The following TBC1D32 variants were observed in gnomAD, a reference collection of about 807,000 sequenced individuals.
The protein encoded by TBC1D32 is protein broad-minded.
In TBC1D32, 151 loss-of-function variants were observed where a neutral mutation model predicts 170.3. That is an observed-to-expected ratio of 0.89 (90% CI 0.78 to 1.01). TBC1D32 has a LOEUF of 1.01. Among genes scored for constraint, TBC1D32 ranks in the 50% least tolerant of loss-of-function variants. The probability of loss-of-function intolerance (pLI) is 0.00; values close to 1 mark genes in which losing one functional copy is unlikely to be tolerated. For synonymous variants in TBC1D32, 498 were observed against 488.0 expected (o/e 1.02, Z -0.27); for missense variants, 1,464 against 1,457.1 (o/e 1.00, Z -0.08).
chr6:121,083,411 AT>A (rs1271651304), intron 31 of TBC1D32, among the ~76,000 whole-genome samples: 1 of 152,024 alleles, frequency 6.6e-6, no homozygotes, highest in African/African-American at 2.4e-5. Context: ...GTTTTTAATA[AT>A]TTGCTGCCTT....
intron 15 of TBC1D32, among the ~76,000 whole-genome samples, chr6:121,270,663 G>T (rs1209322059): frequency 2.0e-5 from 3 of 152,112 alleles, no homozygotes; most frequent in Non-Finnish European, 2.9e-5. Flanking sequence ...CGGATTCACA[G>T]CCAAAATCTA....
At chr6:121,095,666 C>T (rs1486529545) in intron 30 of TBC1D32, among the ~76,000 whole-genome samples, 1 of 152,104 alleles carries the variant, frequency 6.6e-6, no homozygotes, top group Non-Finnish European at 1.5e-5. Context: ...TTGTCGAAGG[C>T]TTTTACTGCA....
chr6:121,235,547 G>A (rs1302871073), intron 20 of TBC1D32, among the ~76,000 whole-genome samples: 1 of 152,140 alleles, frequency 6.6e-6, no homozygotes, highest in East Asian at 1.9e-4. Flanking sequence ...GCAGTCACCA[G>A]CCTCACCATG....
chr6:121,306,837 T>A (rs886916866), intron 5 of TBC1D32, among the ~76,000 whole-genome samples: 6 of 152,228 alleles, frequency 3.9e-5, no homozygotes, highest in Non-Finnish European at 8.8e-5. Flanking sequence ...AAACTTTCTA[T>A]ATTTGCTTTA....
At chr6:121,276,408 C>T (rs988037753) in intron 15 of TBC1D32, among the ~76,000 whole-genome samples, 16 of 151,360 alleles carry the variant, frequency 1.1e-4, no homozygotes, top group Non-Finnish European at 2.2e-4. Flanking sequence ...TTAATAGCAA[C>T]CATTAAAAAG....
At chr6:121,193,502 T>G (rs2128289965) in intron 22 of TBC1D32, among the ~76,000 whole-genome samples, 1 of 152,312 alleles carries the variant, frequency 6.6e-6, no homozygotes, top group South Asian at 2.1e-4. Context: ...TCTCTGTATG[T>G]CAGGTCTAAC....
In TBC1D32 at chr6:121,300,309, T is replaced by A. The variant is rs142914483; in HGVS notation, c.1081-804A>T. Among the ~76,000 whole-genome samples the A allele has an allele frequency of 5.0e-3, 761 of 151,220 alleles. 8 individuals carry two copies. Among genetic ancestry groups the A allele is most frequent in the South Asian group, 0.038 (182 of 4,772 alleles). ...TAAAAATATAAGAATTAGCCAGGAG[T>A]GGTGGCATGCATCTGTAGTCCCAGC... On this transcript the variant is annotated intron_variant, in intron 9 of 31. Transcript: ENST00000398212.
chr6:121,308,079 G>A lies in TBC1D32; in HGVS notation c.587C>T (p.Thr196Ile). 1 of 1,613,420 alleles carries A rather than the reference G, an allele frequency of 6.2e-7. No individual in the cohort carries two copies. The highest frequency in any genetic ancestry group is 8.5e-7 in the Non-Finnish European group (1 of 1,179,804). ...ATCAGATGGAGGAGCTGAACATAAT[G>A]TTTGCAAGGCTTCATATCTCACCTA... ...PKEVRYEALQ[T>I]LCSAPPSDVL... is the part of the protein sequence containing the mutation. Residue 196 changes from threonine (T) to isoleucine (I), a missense_variant, in exon 5 of 32, where the codon ACA (threonine) becomes ATA (isoleucine). Thr to Ile is a moderately conservative substitution (Grantham distance 89). This residue lies in a region of TBC1D32 where 1,363 missense variants were observed against 1,338.1 expected (regional missense o/e 1.02). Coordinates refer to ENST00000398212, the MANE Select transcript of TBC1D32 (RefSeq NM_152730.6).
intron 21 of TBC1D32, among the ~76,000 whole-genome samples, chr6:121,221,133 G>A (rs1794471625): frequency 1.3e-5 from 2 of 152,092 alleles, no homozygotes; most frequent in African/African-American, 4.8e-5. Flanking sequence ...AAAAATCCTG[G>A]AGCACTGGAA....
chr6:121,198,260 A>AAATATATATTAT (rs1791079202), intron 22 of TBC1D32, among the ~76,000 whole-genome samples: 1 of 139,706 alleles, frequency 7.2e-6, no homozygotes, highest in African/African-American at 2.7e-5. Context: ...ATATATATAT[A>AAATATATATTAT]ATATATATAT....
At chr6:121,325,379 AGAT>A (rs946077156) in intron 1 of TBC1D32, among the ~76,000 whole-genome samples, 38 of 4,632 alleles carry the variant, frequency 8.2e-3, no homozygotes, top group Admixed American at 9.4e-3. Flanking sequence ...TCAAACTATA[AGAT>A]ACAAGGCTAA....
chr6:121,152,584 C>T (rs1784357879), intron 24 of TBC1D32, among the ~76,000 whole-genome samples: 1 of 152,160 alleles, frequency 6.6e-6, no homozygotes, highest in South Asian at 2.1e-4. Context: ...CGGTAATATC[C>T]TGAAGAGTGT....
At position 121,291,141 on chromosome 6, in the gene TBC1D32, A is replaced by C. The variant is rs143139102; in HGVS notation, c.1372+912T>G. On this transcript the variant is annotated intron_variant, in intron 12 of 31. Coordinates refer to ENST00000398212, the MANE Select transcript of TBC1D32 (RefSeq NM_152730.6). ...TTGTGCACATGTACCCTAAAACTTAAAGTATAATAAAAAAAAAAAGAAAGA... is the reference window on the plus strand; with the variant it reads ...TTGTGCACATGTACCCTAAAACTTACAGTATAATAAAAAAAAAAAGAAAGA... 5.7e-3 allele frequency among the ~76,000 whole-genome samples: 866 copies of C among 151,664 alleles called. 9 individuals are homozygous for C. Among genetic ancestry groups the C allele is most frequent in the African/African-American group, 0.02 (824 of 41,418 alleles).
chr6:121,155,618 T>C (rs957010024), intron 24 of TBC1D32, among the ~76,000 whole-genome samples: 1 of 152,082 alleles, frequency 6.6e-6, no homozygotes, highest in Non-Finnish European at 1.5e-5. Context: ...CCATTCAGTA[T>C]AATGCTGTGA....
intron 15 of TBC1D32, among the ~76,000 whole-genome samples, chr6:121,259,869 C>T (rs925646609): frequency 2.0e-5 from 3 of 152,140 alleles, no homozygotes; most frequent in Non-Finnish European, 4.4e-5. Context: ...TTCCCCCCAA[C>T]ATTTCATGCA....
At chr6:121,145,293 A>G (rs1047315118) in intron 24 of TBC1D32, among the ~76,000 whole-genome samples, 7 of 152,202 alleles carry the variant, frequency 4.6e-5, no homozygotes, top group Non-Finnish European at 1.0e-4. Context: ...CTTTAAAAAG[A>G]GAGAAATCCT....
At chr6:121,086,503 T>C (rs1776286043) in intron 31 of TBC1D32, among the ~76,000 whole-genome samples, 1 of 152,156 alleles carries the variant, frequency 6.6e-6, no homozygotes, top group African/African-American at 2.4e-5. Context: ...CCTGTCAACA[T>C]TCTCTGGTAA....
intron 15 of TBC1D32, among the ~76,000 whole-genome samples, chr6:121,263,745 T>A (rs1374422739): frequency 6.6e-6 from 1 of 152,074 alleles, no homozygotes; most frequent in Non-Finnish European, 1.5e-5. Flanking sequence ...TTATAGACAG[T>A]CTCTCAAACC....
chr6:121,172,477 A>T (rs1471145690), intron 22 of TBC1D32, among the ~76,000 whole-genome samples: 1 of 152,184 alleles, frequency 6.6e-6, no homozygotes, highest in Non-Finnish European at 1.5e-5. Flanking sequence ...ATGGGAAAAT[A>T]CAACAGCCAA....
Sources: allele counts gnomAD v4.1 joint callset (sites outside exome capture counted in the v4.1 genomes callset), GRCh38; gene constraint gnomAD v4.1.1; regional missense constraint gnomAD v4.1.1; transcripts MANE v1.5; gene names NCBI Gene and HGNC (gene_info 2026-07-23, HGNC 2026-07-21).